Variants in ZNF511 observed in about 807,000 individuals in gnomAD.
ZNF511 encodes the protein zinc finger protein 511.
Under a neutral mutation model 24.8 loss-of-function variants are expected in ZNF511, and 26 were observed. The observed-to-expected ratio is 1.05, with a 90% CI of 0.77 to 1.46. ZNF511 has a LOEUF of 1.46. ZNF511 is among the 40% of genes most tolerant of loss of function. The pLI is 0.00. For synonymous variants in ZNF511, 144 were observed against 139.6 expected (o/e 1.03, Z -0.22); for missense variants, 358 against 345.0 (o/e 1.04, Z -0.30).
At chr10:133,312,681 A>G (rs1273472675) in intron 5 of ZNF511, 107 bp from the exon 6 acceptor site, 76 of 1,584,512 alleles carry the variant, frequency 4.8e-5, no homozygotes, top group Non-Finnish European at 6.4e-5. Flanking sequence ...TGCATTCCGC[A>G]TGTTCCCAGA....
rs895184770 is a variant in ZNF511, at chr10:133,312,562, C to T, written c.681-226C>T. ...GGCTTGGCAGGAGCCGCCCTCTCTG[C>T]GGAGTTCTTCCCAGCGGGTGTGCGT... is the stretch of plus-strand genomic sequence containing the variant. On this transcript the variant is annotated intron_variant, in intron 5 of 5. Transcript: ENST00000361518. 2.5e-5 allele frequency: 35 copies of T among 1,419,836 alleles called. 1 individual carries two copies. Among genetic ancestry groups the T allele is most frequent in the East Asian group, 7.8e-5 (3 of 38,494 alleles). 88.0% of individuals were successfully genotyped at this position (1,419,836 alleles called of 1,614,324 possible).
chr10:133,309,215 G>C, intron 1 of ZNF511, 119 bp downstream of exon 1: 2 of 1,339,960 alleles, frequency 1.5e-6, no homozygotes, highest in Non-Finnish European at 2.0e-6. Flanking sequence ...CCGGAGCCTG[G>C]GACAGGCGGG....
At chr10:133,312,218 C>CACCTGTGCCGTCTGCCTTCCTAGCATG (rs1248493447) in intron 5 of ZNF511, 11 of 1,382,868 alleles carry the variant, frequency 8.0e-6, no homozygotes, top group Admixed American at 6.4e-5. Context: ...TTTCTAGCGT[C>CACCTGTGCCGTCTGCCTTCCTAGCATG]ACCTGTGCCG....
At position 133,312,954 on chromosome 10, in the gene ZNF511, C is replaced by T. The variant is rs1464704629; in HGVS notation, c.*88C>T. On this transcript the variant is annotated 3_prime_UTR_variant, in exon 6 of 6. Coordinates refer to ENST00000361518, the MANE Select transcript of ZNF511 (RefSeq NM_145806.4). The stretch of plus-strand genomic sequence containing the variant: ...TTCTCCGACCTTCTGGTGTGGCCGC[C>T]CTGGGGGCCAGGCCCTCGCCATCCT... 49 of 1,597,574 alleles carry T rather than the reference C, an allele frequency of 3.1e-5. No individual in the cohort carries two copies. In the South Asian group the frequency reaches 3.1e-4, roughly 10 times the overall value.
At chr10:133,309,754 C>G (rs750272845) in intron 2 of ZNF511, 22 bp from the exon 3 acceptor site, 4 of 1,611,852 alleles carry the variant, frequency 2.5e-6, no homozygotes, top group South Asian at 1.1e-5. Context: ...GGAAGGGCTC[C>G]TGAAGCACGT....
Position 133,309,113 on chromosome 10 carries a change from G to C in ZNF511, c.153+17G>C, listed in dbSNP as rs752004483. The C allele has an allele frequency of 2.3e-6, 3 of 1,331,296 alleles. No homozygotes were observed. The highest frequency in any genetic ancestry group is 3.0e-5 in the African/African-American group (2 of 66,148). The allele number at this position is 1,331,296 out of a possible 1,614,324, so 82.5% of individuals were successfully genotyped here. On this transcript the variant is annotated intron_variant, in intron 1 of 5. Transcript: ENST00000361518. ...TTCTTCGAGGTGCGTGAGCAAAAGA[G>C]GGAAAAAGTAGTTGTAGGATCCAGT... is the stretch of plus-strand genomic sequence containing the variant.
intron 4 of ZNF511, among the ~76,000 whole-genome samples, chr10:133,311,428 G>C (rs1457469518): frequency 6.6e-6 from 1 of 152,138 alleles, no homozygotes; most frequent in African/African-American, 2.4e-5. Context: ...CTCATAAAAA[G>C]ACCCGTGGCA....
At chr10:133,311,016 G>A (rs937827177) in intron 4 of ZNF511, among the ~76,000 whole-genome samples, 1 of 152,182 alleles carries the variant, frequency 6.6e-6, no homozygotes, top group Non-Finnish European at 1.5e-5. Flanking sequence ...TGCCCAGTCT[G>A]GTCGTGAACT....
chr10:133,311,040 C>G lies in ZNF511; in HGVS notation c.555-676C>G, dbSNP rs148756106. Among the ~76,000 whole-genome samples, 1,016 of 152,306 alleles carry G rather than the reference C, an allele frequency of 6.7e-3. 10 individuals carry two copies. Among genetic ancestry groups the G allele is most frequent in the Middle Eastern group, 0.034 (10 of 294 alleles). ...TGGTCGTGAACTCCTGGGCTCAAGC[C>G]GTCCATCTGCCTCAGCCTCCCAAAG... On this transcript the variant is annotated intron_variant, in intron 4 of 5. Coordinates refer to ENST00000361518, the MANE Select transcript of ZNF511 (RefSeq NM_145806.4).
rs1037725905 is a variant in ZNF511 at position 133,312,331 on chromosome 10, G to C, written c.681-457G>C. 3 of 1,171,494 alleles carry C rather than the reference G, an allele frequency of 2.6e-6. No individual in the cohort carries two copies. The Admixed American group carries it at 1.3e-4, about 52-fold the overall frequency. 72.6% of individuals were successfully genotyped at this position (1,171,494 alleles called of 1,614,324 possible). A position where few individuals can be genotyped will look rare whatever the true frequency, so the allele number is the denominator to read the frequency against. ...GCCGTCTGCCTTTCTAGTTAAAGTTGATTTTAAATTAATTTGGGAAAAACG... is the reference window on the plus strand; with the variant it reads ...GCCGTCTGCCTTTCTAGTTAAAGTTCATTTTAAATTAATTTGGGAAAAACG... On this transcript the variant is annotated intron_variant, in intron 5 of 5. Coordinates refer to ENST00000361518, the MANE Select transcript of ZNF511 (RefSeq NM_145806.4).
rs1246991171 is a variant in ZNF511, at chr10:133,311,965, A to G, written c.680+124A>G. 3.7e-6 allele frequency: 6 copies of G among 1,611,484 alleles called. No homozygotes were observed. The East Asian group carries it at 8.9e-5, about 24-fold the overall frequency. Reference sequence around the variant, plus strand: ...CAGAAAGGTAACGCTGGGTAAGAAAATCGGCTTCCGCCAGAGAAGAAAGTC... The same window carrying G: ...CAGAAAGGTAACGCTGGGTAAGAAAGTCGGCTTCCGCCAGAGAAGAAAGTC... On this transcript the variant is annotated intron_variant, in intron 5 of 5. Coordinates refer to ENST00000361518, the MANE Select transcript of ZNF511 (RefSeq NM_145806.4).
At chr10:133,311,529 G>T in intron 4 of ZNF511, 187 bp from the exon 5 acceptor site, 1 of 580,768 alleles carries the variant, frequency 1.7e-6, no homozygotes, top group Non-Finnish European at 3.0e-6. Context: ...ATAAACAATG[G>T]CCTTGCTGTA....
chr10:133,313,115 C>T lies in ZNF511; in HGVS notation c.*249C>T. The stretch of plus-strand genomic sequence containing the variant: ...GGCCTGTCTCCTCCTGCAGGGCCCA[C>T]CCTAAGAATGTATTTTTAAACACAT... On this transcript the variant is annotated 3_prime_UTR_variant, in exon 6 of 6. Coordinates refer to ENST00000361518, the MANE Select transcript of ZNF511 (RefSeq NM_145806.4). The T allele has an allele frequency of 1.2e-6, 1 of 834,368 alleles. No individual in the cohort carries two copies. Among genetic ancestry groups the T allele is most frequent in the Non-Finnish European group, 1.7e-6 (1 of 579,812 alleles). The allele number at this position is 834,368 out of a possible 1,614,324, so 51.7% of individuals were successfully genotyped here. A position where few individuals can be genotyped will look rare whatever the true frequency, so the allele number is the denominator to read the frequency against.
In ZNF511 at chr10:133,313,054, A is replaced by G. The variant is rs1404817336; in HGVS notation, c.*188A>G. On this transcript the variant is annotated 3_prime_UTR_variant, in exon 6 of 6. Coordinates refer to ENST00000361518, the MANE Select transcript of ZNF511 (RefSeq NM_145806.4). ...TGTGAGGGACCCACAGATTTTGGAA[A>G]CGACCTGGACACACTATTGGGAAGG... 7.1e-7 allele frequency: 1 copy of G among 1,416,484 alleles called. No individual in the cohort carries two copies. The highest frequency in any genetic ancestry group is 1.4e-5 in the African/African-American group (1 of 69,352). The allele number at this position is 1,416,484 out of a possible 1,614,324, so 87.7% of individuals were successfully genotyped here. A position where few individuals can be genotyped will look rare whatever the true frequency, so the allele number is the denominator to read the frequency against.
intron 2 of ZNF511, 83 bp from the exon 3 acceptor site, chr10:133,309,693 C>T (rs912636386): frequency 6.7e-7 from 1 of 1,500,712 alleles, no homozygotes; most frequent in South Asian, 1.1e-5. Flanking sequence ...CTTTATTGGA[C>T]GTCTCAAAGG....
At position 133,309,872 on chromosome 10, in the gene ZNF511, T is replaced by C. The variant is rs945159304; in HGVS notation, c.324T>C (p.Val108=). The C allele has an allele frequency of 1.2e-6, 2 of 1,613,658 alleles. No homozygotes were observed. The highest frequency in any genetic ancestry group is 2.2e-5 in the East Asian group (1 of 44,892). ...EHHYHTLHGN[V]CSFCKRAFPS... ...ACTACCACACGCTGCACGGAAATGTTTGCTCCTTTTGCAAGCGGGCCTTCC... is the reference window on the plus strand; with the variant it reads ...ACTACCACACGCTGCACGGAAATGTCTGCTCCTTTTGCAAGCGGGCCTTCC... Residue 108 remains valine, a synonymous_variant, in exon 3 of 6, where the codon GTT becomes GTC. Coordinates refer to ENST00000361518, the MANE Select transcript of ZNF511 (RefSeq NM_145806.4).
intron 5 of ZNF511, chr10:133,312,261 C>T (rs1848009462): frequency 3.0e-6 from 4 of 1,325,826 alleles, no homozygotes; most frequent in Non-Finnish European, 3.9e-6. Flanking sequence ...TGCCGTCTGC[C>T]TTTCTAGCAT....
chr10:133,311,259 G>A (rs1564779188), intron 4 of ZNF511, among the ~76,000 whole-genome samples: 1 of 152,168 alleles, frequency 6.6e-6, no homozygotes, highest in African/African-American at 2.4e-5. Context: ...AGAACCCACT[G>A]CAATGTGGGA....
At chr10:133,310,481 G>T (rs1847966214) in intron 4 of ZNF511, 193 bp downstream of exon 4, 2 of 688,054 alleles carry the variant, frequency 2.9e-6, no homozygotes, top group Non-Finnish European at 2.4e-6. Flanking sequence ...GCCGAAGGGA[G>T]GCTGGAGGGG....
Sources: gnomAD v4.1 joint callset for allele counts (sites outside exome capture counted in the v4.1 genomes callset) on GRCh38, gnomAD v4.1.1 for gene constraint, MANE v1.5 for transcripts, NCBI Gene and HGNC (gene_info 2026-07-23, HGNC 2026-07-21) for gene names.